RBFOX1: variants seen among roughly 807,000 people sequenced by gnomAD.
The protein encoded by RBFOX1 is RNA binding fox-1 homolog 1.
In RBFOX1, 8 loss-of-function variants were observed where a neutral mutation model predicts 57.7. The ratio of observed to expected loss-of-function variants is 0.14; its 90% confidence interval spans 0.08 to 0.25. The LOEUF is 0.25. Ranked by LOEUF, RBFOX1 falls within the 10% of genes least tolerant of loss-of-function variation. The pLI is 1.00. For missense variants in RBFOX1, 611 were observed against 548.5 expected, an observed-to-expected ratio of 1.11 and a Z score of -1.14; for synonymous variants, 326 against 222.4, an observed-to-expected ratio of 1.47 and a Z score of -4.15.
chr16:5,307,917 A>G (rs529153117), intron 1 of RBFOX1, among the ~76,000 whole-genome samples: 3 of 152,278 alleles, frequency 2.0e-5, no homozygotes, highest in South Asian at 2.1e-4. Context: ...GCCTCAGGCA[A>G]TCCTCCTGTC....
At chr16:6,142,475 C>A (rs192451402) in intron 1 of RBFOX1, among the ~76,000 whole-genome samples, 11 of 152,154 alleles carry the variant, frequency 7.2e-5, no homozygotes, top group African/African-American at 2.4e-4. Flanking sequence ...CCCGCCTCGG[C>A]CTCCCAAAGC....
chr16:6,721,263 TA>T (rs1396632828), intron 3 of RBFOX1, among the ~76,000 whole-genome samples: 1 of 152,062 alleles, frequency 6.6e-6, no homozygotes, highest in Non-Finnish European at 1.5e-5. Flanking sequence ...GCCAACATGG[TA>T]AAACCCTGTC....
chr16:5,706,342 C>G (rs1031185340), intron 3 of RBFOX1, among the ~76,000 whole-genome samples: 1 of 152,166 alleles, frequency 6.6e-6, no homozygotes, highest in African/African-American at 2.4e-5. Flanking sequence ...AGTGGAAATA[C>G]AGTTCCAAGC....
intron 3 of RBFOX1, among the ~76,000 whole-genome samples, chr16:6,726,784 A>G (rs549198607): frequency 4.9e-4 from 74 of 152,048 alleles, no homozygotes; most frequent in African/African-American, 1.6e-3. Context: ...CGTAATTGCT[A>G]TGTTCCCTAC....
intron 4 of RBFOX1, among the ~76,000 whole-genome samples, chr16:7,097,526 A>G (rs1308232226): frequency 6.6e-6 from 1 of 152,170 alleles, no homozygotes; most frequent in Non-Finnish European, 1.5e-5. Context: ...AGTGTTAGAG[A>G]ATTGTGGAAT....
chr16:7,224,508 C>A (rs2152872572), intron 4 of RBFOX1, among the ~76,000 whole-genome samples: 1 of 151,274 alleles, frequency 6.6e-6, no homozygotes, highest in African/African-American at 2.4e-5. Flanking sequence ...CTACCTGGGA[C>A]CTGCCCCTCA....
chr16:7,023,135 A>G (rs369266210), intron 3 of RBFOX1, among the ~76,000 whole-genome samples: 52 of 152,286 alleles, frequency 3.4e-4, no homozygotes, highest in African/African-American at 1.1e-3. Flanking sequence ...TTCAAAGAAA[A>G]TAAAACACAT....
intron 3 of RBFOX1, among the ~76,000 whole-genome samples, chr16:6,966,809 GTCTGTCTGTCTA>G (rs1568128976): frequency 2.7e-5 from 4 of 148,254 alleles, no homozygotes; most frequent in East Asian, 4.0e-4. Flanking sequence ...CTGTCTGTCT[GTCTGTCTGTCTA>G]TCTATCTGTC....
At chr16:7,144,417 CTTTTTTT>C (rs1190886141) in intron 4 of RBFOX1, among the ~76,000 whole-genome samples, 1 of 66,916 alleles carries the variant, frequency 1.5e-5, no homozygotes, top group Admixed American at 2.3e-4. Flanking sequence ...TTTCTTTCTT[CTTTTTTT>C]TTTTTTTTTT....
chr16:5,423,618 G>A (rs192768306), intron 1 of RBFOX1, among the ~76,000 whole-genome samples: 1 of 152,284 alleles, frequency 6.6e-6, no homozygotes, highest in Admixed American at 6.5e-5. Flanking sequence ...TCTGTGAGCA[G>A]GGGCGGCCCA....
chr16:5,288,956 C>G (rs1306411705), intron 1 of RBFOX1, among the ~76,000 whole-genome samples: 2 of 151,960 alleles, frequency 1.3e-5, no homozygotes, highest in Admixed American at 6.6e-5. Context: ...GAAACCCTGT[C>G]TATACTAAAA....
chr16:7,386,726 C>G (rs1005028626), intron 4 of RBFOX1, among the ~76,000 whole-genome samples: 1 of 152,064 alleles, frequency 6.6e-6, no homozygotes. Flanking sequence ...GATTTATAAT[C>G]CTTTGGGTAT....
intron 1 of RBFOX1, among the ~76,000 whole-genome samples, chr16:6,030,335 C>G (rs575147638): frequency 6.6e-6 from 1 of 152,284 alleles, no homozygotes; most frequent in African/African-American, 2.4e-5. Flanking sequence ...CCAGACACTT[C>G]TAAGTGGAAT....
intron 2 of RBFOX1, chr16:6,577,373 A>T (rs1041360874): frequency 6.6e-6 from 1 of 152,250 alleles, no homozygotes; most frequent in African/African-American, 2.4e-5. Flanking sequence ...AATATTTGTC[A>T]GTAGGAGCTT....
At chr16:7,100,990 TC>T (rs2062594508) in intron 4 of RBFOX1, among the ~76,000 whole-genome samples, 4 of 152,190 alleles carry the variant, frequency 2.6e-5, no homozygotes, top group African/African-American at 9.7e-5. Flanking sequence ...GAGGAAACAC[TC>T]AGAGATATAG....
At chr16:7,540,542 C>G (rs2082641215) in intron 5 of RBFOX1, among the ~76,000 whole-genome samples, 1 of 152,204 alleles carries the variant, frequency 6.6e-6, no homozygotes, top group Non-Finnish European at 1.5e-5. Context: ...GAGTTCTTAG[C>G]CTGGTGCCAG....
chr16:7,466,485 C>T (rs1481561065), intron 4 of RBFOX1, among the ~76,000 whole-genome samples: 1 of 152,068 alleles, frequency 6.6e-6, no homozygotes, highest in African/African-American at 2.4e-5. Context: ...ACCCCAGGTC[C>T]TAGGGTGGTT....
chr16:7,278,416 G>A (rs2095481226), intron 4 of RBFOX1, among the ~76,000 whole-genome samples: 1 of 152,164 alleles, frequency 6.6e-6, no homozygotes, highest in South Asian at 2.1e-4. Context: ...GCAAGCCAGA[G>A]GGTGTTGGAC....
In RBFOX1 at chr16:5,963,223, A is replaced by G. The variant is rs539555421; in HGVS notation, c.351+95888A>G. 6.0e-4 allele frequency among the ~76,000 whole-genome samples: 92 copies of G among 152,192 alleles called. 1 individual carries two copies. Among genetic ancestry groups the G allele is most frequent in the East Asian group, 3.8e-4 (2 of 5,196 alleles). On this transcript the variant is annotated intron_variant, in intron 4 of 19. Coordinates refer to the RBFOX1 transcript ENST00000641259. ...CTGCTGTATCAAACCCCAAACCTGA[A>G]TAGCTTAAACCAGCAAAGGTTTGGT...
Sources: gnomAD v4.1 joint callset for allele counts (sites outside exome capture counted in the v4.1 genomes callset) on GRCh38, gnomAD v4.1.1 for gene constraint, MANE v1.5 for transcripts, NCBI Gene and HGNC (gene_info 2026-07-23, HGNC 2026-07-21) for gene names.